L3MBTL4: variants seen among roughly 807,000 people sequenced by gnomAD.
L3MBTL4 encodes lethal(3)malignant brain tumor-like protein 4.
A neutral mutation model predicts 84.5 loss-of-function variants in L3MBTL4; 70 were observed. The ratio of observed to expected loss-of-function variants is 0.83; its 90% CI spans 0.68 to 1.01. The LOEUF (loss-of-function observed/expected upper bound fraction) is 1.01. Ranked by LOEUF, L3MBTL4 falls within the 50% of genes least tolerant of loss-of-function variation. The pLI is 0.00. For synonymous variants in L3MBTL4, 274 were observed against 259.8 expected (o/e 1.05, Z -0.52); for missense variants, 715 against 754.8 (o/e 0.95, Z 0.62).
chr18:6,144,218 A>AAAAAAAAAAAAC (rs1401330723), intron 13 of L3MBTL4, among the ~76,000 whole-genome samples: 1 of 151,016 alleles, frequency 6.6e-6, no homozygotes, highest in African/African-American at 2.4e-5. Context: ...AAAAAAAAAA[A>AAAAAAAAAAAAC]AAGACAGCAA....
intron 10 of L3MBTL4, among the ~76,000 whole-genome samples, chr18:6,237,150 A>C (rs1002004411): frequency 6.6e-6 from 1 of 152,162 alleles, no homozygotes; most frequent in African/African-American, 2.4e-5. Flanking sequence ...ATAACTAACT[A>C]GATAGAGTCC....
chr18:6,011,543 A>G (rs1258652765), intron 16 of L3MBTL4, among the ~76,000 whole-genome samples: 2 of 152,152 alleles, frequency 1.3e-5, no homozygotes, highest in Non-Finnish European at 2.9e-5. Context: ...CCATTCTAAT[A>G]TTTCCTGGAA....
intron 5 of L3MBTL4, among the ~76,000 whole-genome samples, chr18:6,252,820 A>G (rs193214204): frequency 6.6e-6 from 1 of 152,382 alleles, no homozygotes; most frequent in Admixed American, 6.5e-5. Context: ...GACTAGAAGT[A>G]GAAGACGTTA....
Position 6,241,449 on chromosome 18 carries a change from C to G in L3MBTL4, c.461G>C (p.Gly154Ala), listed in dbSNP as rs1189356858. ...KTKHELHIPK[G>A]YRKDKFVWMD... The stretch of plus-strand genomic sequence containing the variant: ...CCAAACAAATTTATCTTTTCTATAA[C>G]CTAAAAAAAGCACAGATTACTCAAA... The change falls in exon 8 of 19, where the codon GGT becomes GCT. Residue 154 changes from glycine (G) to alanine (A), a missense_variant and splice_region_variant. Physicochemically the swap from Gly to Ala is moderately conservative, Grantham distance 60. Transcript: ENST00000317931. The G allele has an allele frequency of 6.5e-7, 1 of 1,549,288 alleles. No individual in the cohort carries two copies. The highest frequency in any genetic ancestry group is 8.8e-7 in the Non-Finnish European group (1 of 1,131,902).
intron 1 of L3MBTL4, among the ~76,000 whole-genome samples, chr18:6,412,557 T>C (rs1431962231): frequency 1.3e-5 from 2 of 152,076 alleles, no homozygotes; most frequent in Non-Finnish European, 2.9e-5. Flanking sequence ...CAGGTTGGCC[T>C]TTTCTTCATA....
chr18:6,019,777 C>A (rs985607173), intron 16 of L3MBTL4, among the ~76,000 whole-genome samples: 2 of 152,224 alleles, frequency 1.3e-5, no homozygotes, highest in East Asian at 1.9e-4. Flanking sequence ...GCTCCTCACA[C>A]TTTTAAAGAT....
intron 1 of L3MBTL4, among the ~76,000 whole-genome samples, chr18:6,399,222 G>A (rs1396980594): frequency 2.6e-5 from 4 of 152,108 alleles, no homozygotes; most frequent in Admixed American, 6.5e-5. Context: ...GGGAGATCAC[G>A]AGGTCAGGCG....
At chr18:6,052,318 A>G (rs992309091) in intron 16 of L3MBTL4, among the ~76,000 whole-genome samples, 7 of 152,368 alleles carry the variant, frequency 4.6e-5, no homozygotes, top group African/African-American at 1.7e-4. Context: ...ATGTTAAAAC[A>G]ATGGCTCTGA....
In L3MBTL4 at chr18:5,955,991, G is replaced by T; in HGVS notation, c.*229C>A. ...TCAGAGCTGAGCGGATCCCACCAAA[G>T]ATAACAATGTTCGTAAACCAAACCC... On this transcript the variant is annotated 3_prime_UTR_variant, in exon 19 of 19. Coordinates refer to ENST00000317931, the MANE Select transcript of L3MBTL4 (RefSeq NM_001330559.2). 2.2e-6 allele frequency: 1 copy of T among 460,936 alleles called. No individual in the cohort carries two copies. Among genetic ancestry groups the T allele is most frequent in the Non-Finnish European group, 3.8e-6 (1 of 260,738 alleles). The allele number at this position is 460,936 out of a possible 1,614,324, so 28.6% of individuals were successfully genotyped here.
At chr18:6,072,626 G>A (rs555551917) in intron 16 of L3MBTL4, among the ~76,000 whole-genome samples, 2 of 150,548 alleles carry the variant, frequency 1.3e-5, no homozygotes, top group East Asian at 3.9e-4. Flanking sequence ...GAATCATGAG[G>A]TCAGGAGATC....
chr18:6,049,570 G>A (rs1014046539), intron 16 of L3MBTL4, among the ~76,000 whole-genome samples: 8 of 152,186 alleles, frequency 5.3e-5, no homozygotes, highest in Non-Finnish European at 7.3e-5. Flanking sequence ...TTGCAACAAC[G>A]TGGATGCAGC....
chr18:6,185,571 C>G (rs1394289869), intron 12 of L3MBTL4, among the ~76,000 whole-genome samples: 2 of 152,032 alleles, frequency 1.3e-5, no homozygotes, highest in Non-Finnish European at 2.9e-5. Context: ...TTCTCCCAGT[C>G]CCACCCCTCA....
intron 1 of L3MBTL4, among the ~76,000 whole-genome samples, chr18:6,387,948 G>A (rs1178352269): frequency 6.6e-6 from 1 of 152,180 alleles, no homozygotes; most frequent in Non-Finnish European, 1.5e-5. Flanking sequence ...AGAAGTCACA[G>A]AGGTATAGAC....
chr18:6,210,456 T>C (rs1488699927), intron 12 of L3MBTL4, among the ~76,000 whole-genome samples: 1 of 152,166 alleles, frequency 6.6e-6, no homozygotes, highest in African/African-American at 2.4e-5. Flanking sequence ...GTTGAAAACA[T>C]CTGTTTGGAA....
In L3MBTL4 at chr18:6,153,942, T is replaced by C. The variant is rs112652392; in HGVS notation, c.1097-15646A>G. Among the ~76,000 whole-genome samples, 190 of 152,342 alleles carry C rather than the reference T, an allele frequency of 1.2e-3. No individual in the cohort carries two copies. In the South Asian group the frequency reaches 0.013, roughly 10 times the overall value. ...TACCCAGTCTCAGAGAAGCTCTTTA[T>C]AGCAGTGTGAAAACAGACTAATACA... On this transcript the variant is annotated intron_variant, in intron 13 of 18. Transcript: ENST00000317931.
intron 5 of L3MBTL4, among the ~76,000 whole-genome samples, chr18:6,247,364 G>A (rs899884176): frequency 2.6e-5 from 4 of 151,572 alleles, no homozygotes; most frequent in African/African-American, 4.9e-5. Flanking sequence ...ACGAGTTGAC[G>A]AGCCTCTTCA....
At chr18:5,967,559 C>T (rs2052416012) in intron 17 of L3MBTL4, among the ~76,000 whole-genome samples, 1 of 152,142 alleles carries the variant, frequency 6.6e-6, no homozygotes, top group African/African-American at 2.4e-5. Context: ...ATTTCCTTGT[C>T]ATTCAACATT....
At chr18:6,374,282 G>A (rs1187123703) in intron 1 of L3MBTL4, 1 of 153,160 alleles carries the variant, frequency 6.5e-6, no homozygotes, top group African/African-American at 2.4e-5. Context: ...AATAACAACA[G>A]CACCAAGCAC....
At chr18:6,043,328 A>T (rs892932583) in intron 16 of L3MBTL4, among the ~76,000 whole-genome samples, 7 of 152,048 alleles carry the variant, frequency 4.6e-5, no homozygotes, top group Admixed American at 4.6e-4. Flanking sequence ...GTTCAATTTG[A>T]GACTTGCTTT....
Sources: gnomAD v4.1 joint callset for allele counts (sites outside exome capture counted in the v4.1 genomes callset) on GRCh38, gnomAD v4.1.1 for gene constraint, MANE v1.5 for transcripts, NCBI Gene and HGNC (gene_info 2026-07-23, HGNC 2026-07-21) for gene names.